The following SLC25A42 variants were observed in gnomAD, a reference collection of about 807,000 sequenced individuals.
SLC25A42 encodes the protein solute carrier family 25 member 42, also known as mitochondrial coenzyme A transporter SLC25A42.
SLC25A42 carries 19 observed loss-of-function variants against 34.7 expected under a neutral mutation model. The ratio of observed to expected loss-of-function variants is 0.55; its 90% confidence interval spans 0.38 to 0.80. The LOEUF (loss-of-function observed/expected upper bound fraction) is 0.80, where lower values mean the gene tolerates loss of function less well. SLC25A42 is among the 30% of genes least tolerant of loss of function. The pLI, the probability that SLC25A42 is intolerant of heterozygous loss-of-function variation, is 0.00. For synonymous variants in SLC25A42, 205 were observed against 191.2 expected (o/e 1.07, Z -0.59); for missense variants, 364 against 441.3 (o/e 0.82, Z 1.57).
At chr19:19,077,574 G>C (rs967768018) in intron 1 of SLC25A42, among the ~76,000 whole-genome samples, 1 of 152,170 alleles carries the variant, frequency 6.6e-6, no homozygotes, top group African/African-American at 2.4e-5. Flanking sequence ...TACTGAGCTT[G>C]ACTGTTATGC....
chr19:19,095,400 G>A (rs1163280743), intron 1 of SLC25A42, among the ~76,000 whole-genome samples: 1 of 151,790 alleles, frequency 6.6e-6, no homozygotes, highest in African/African-American at 2.4e-5. Context: ...GATCACCTGA[G>A]GTCAGGAGTT....
At chr19:19,110,111 C>A (rs1014058441) in intron 7 of SLC25A42, among the ~76,000 whole-genome samples, 3 of 152,062 alleles carry the variant, frequency 2.0e-5, no homozygotes, top group African/African-American at 7.2e-5. Flanking sequence ...CTTTGGGAGG[C>A]CGAGGCAGGC....
chr19:19,105,132 G>C (rs2059819046), intron 4 of SLC25A42, 194 bp downstream of exon 4: 2 of 659,620 alleles, frequency 3.0e-6, no homozygotes, highest in Non-Finnish European at 5.2e-6. Flanking sequence ...TCCGGCAGTG[G>C]GGTGGGGAGA....
At chr19:19,106,212 T>C in intron 5 of SLC25A42, 57 bp from the exon 6 acceptor site, 1 of 1,462,056 alleles carries the variant, frequency 6.8e-7, no homozygotes, top group Non-Finnish European at 9.4e-7. Context: ...AGGCTGGGCC[T>C]CTGTGCATCT....
chr19:19,110,519 GCGCGCCCCCT>G, intron 7 of SLC25A42, 40 bp from the exon 8 acceptor site: 2 of 1,363,452 alleles, frequency 1.5e-6, no homozygotes, highest in South Asian at 3.3e-5. Flanking sequence ...GGTGCGGGGT[GCGCGCCCCCT>G]CGCGGCGCCT....
intron 1 of SLC25A42, among the ~76,000 whole-genome samples, chr19:19,077,746 G>A (rs2059661901): frequency 6.6e-6 from 1 of 152,154 alleles, no homozygotes; most frequent in Admixed American, 6.5e-5. Context: ...AATTAGCTGG[G>A]TGTGGTGGTG....
At chr19:19,071,342 G>T (rs1341822690) in intron 1 of SLC25A42, among the ~76,000 whole-genome samples, 1 of 152,116 alleles carries the variant, frequency 6.6e-6, no homozygotes, top group Non-Finnish European at 1.5e-5. Context: ...TTTCTGGGCT[G>T]TGAGCTTGGT....
intron 1 of SLC25A42, among the ~76,000 whole-genome samples, chr19:19,084,067 C>T (rs917291418): frequency 2.7e-5 from 4 of 149,848 alleles, no homozygotes; most frequent in East Asian, 2.0e-4. Context: ...TGCACCCCAC[C>T]ACCCCAGTGT....
intron 1 of SLC25A42, among the ~76,000 whole-genome samples, chr19:19,089,084 C>T (rs762284998): frequency 9.2e-5 from 14 of 151,990 alleles, no homozygotes; most frequent in Non-Finnish European, 1.8e-4. Context: ...GGATTACAGG[C>T]GTGAGCCACT....
At chr19:19,105,085 C>A in intron 4 of SLC25A42, 147 bp downstream of exon 4, 2 of 991,758 alleles carry the variant, frequency 2.0e-6, no homozygotes, top group Non-Finnish European at 3.1e-6. Flanking sequence ...CTGGACACAG[C>A]CCAGCCTGGG....
intron 1 of SLC25A42, among the ~76,000 whole-genome samples, chr19:19,075,351 C>G (rs2059650724): frequency 6.6e-6 from 1 of 152,154 alleles, no homozygotes; most frequent in South Asian, 2.1e-4. Context: ...CCATACCCCG[C>G]CGAGCTTTGT....
At chr19:19,103,933 GTCTC>G (rs897465505) in intron 3 of SLC25A42, among the ~76,000 whole-genome samples, 4 of 151,240 alleles carry the variant, frequency 2.6e-5, no homozygotes, top group Non-Finnish European at 5.9e-5. Context: ...TAGAGACAGA[GTCTC>G]TCTCTGTCCC....
Position 19,094,770 on chromosome 19 carries a change from G to A in SLC25A42, c.-34-1321G>A, listed in dbSNP as rs183902569. Among the ~76,000 whole-genome samples the A allele has an allele frequency of 9.8e-5, 15 of 152,346 alleles. 1 individual carries two copies. Among genetic ancestry groups the A allele is most frequent in the Admixed American group, 6.5e-4 (10 of 15,302 alleles). On this transcript the variant is annotated intron_variant, in intron 1 of 7. Transcript: ENST00000318596. ...TAAAGCGTGGGAACTAACCAGGCAC[G>A]GTGGCCATGCCTGGAATCCCAGCAT...
At chr19:19,095,977 G>A (rs191456387) in intron 1 of SLC25A42, 114 bp from the exon 2 acceptor site, 1 of 736,158 alleles carries the variant, frequency 1.4e-6, no homozygotes, top group Admixed American at 2.0e-5. Context: ...GAATGCAGTT[G>A]AGGGCATCCC....
chr19:19,102,004 G>GT (rs1217585908), intron 3 of SLC25A42, 118 bp downstream of exon 3: 2 of 652,054 alleles, frequency 3.1e-6, no homozygotes, highest in Non-Finnish European at 5.1e-6. Flanking sequence ...TAGAAATAAG[G>GT]TTTTTTGTTG....
intron 5 of SLC25A42, chr19:19,105,947 CCCGTTTGTCT>C: frequency 3.5e-6 from 2 of 568,012 alleles, no homozygotes; most frequent in South Asian, 4.7e-5. Flanking sequence ...CTCTCCTTTG[CCCGTTTGTCT>C]CCAGACGTTT....
At chr19:19,091,810 G>A (rs565402036) in intron 1 of SLC25A42, among the ~76,000 whole-genome samples, 1 of 152,282 alleles carries the variant, frequency 6.6e-6, no homozygotes, top group South Asian at 2.1e-4. Flanking sequence ...CCAGGAGGTC[G>A]AGGCTATAGT....
At chr19:19,110,206 C>T (rs953057714) in intron 7 of SLC25A42, among the ~76,000 whole-genome samples, 4 of 151,972 alleles carry the variant, frequency 2.6e-5, no homozygotes, top group African/African-American at 9.7e-5. Flanking sequence ...ATTAGCCAGG[C>T]GTGGTGGTGC....
Position 19,111,400 on chromosome 19 carries a change from A to C in SLC25A42, c.*524A>C, listed in dbSNP as rs1599695990. The C allele has an allele frequency of 6.2e-6, 1 of 162,350 alleles. No individual in the cohort carries two copies. The highest frequency in any genetic ancestry group is 5.8e-5 in the Admixed American group (1 of 17,372). The allele number at this position is 162,350 out of a possible 1,614,324, so 10.1% of individuals were successfully genotyped here. On this transcript the variant is annotated 3_prime_UTR_variant, in exon 8 of 8. Coordinates refer to ENST00000318596, the MANE Select transcript of SLC25A42 (RefSeq NM_178526.5). ...TGGCCACAAATGCAGCCCCTGGCCC[A>C]CCCCACCCTGCCGGCCCTGCCTTCT...
Sources: allele counts gnomAD v4.1 joint callset (sites outside exome capture counted in the v4.1 genomes callset), GRCh38; gene constraint gnomAD v4.1.1; transcripts MANE v1.5; gene names NCBI Gene and HGNC (gene_info 2026-07-23, HGNC 2026-07-21).